C6: variants seen among roughly 807,000 people sequenced by gnomAD.
The protein encoded by C6 is complement component C6.
In C6, 101 loss-of-function variants were observed where a neutral mutation model predicts 112.9. The observed-to-expected ratio is 0.89, with a 90% CI of 0.76 to 1.06. The LOEUF (loss-of-function observed/expected upper bound fraction) is 1.06, where lower values mean the gene tolerates loss of function less well. Ranked by LOEUF, C6 falls within the 50% of genes least tolerant of loss-of-function variation. The probability of loss-of-function intolerance (pLI) is 0.00; values close to 1 mark genes in which losing one functional copy is unlikely to be tolerated. For missense variants in C6, 1,202 were observed against 1,104.6 expected (o/e 1.09, Z -1.25); for synonymous variants, 431 against 384.1 (o/e 1.12, Z -1.43).
chr5:41,201,232 T>C (rs749489281), intron 3 of C6, among the ~76,000 whole-genome samples: 7 of 152,108 alleles, frequency 4.6e-5, no homozygotes, highest in Non-Finnish European at 1.0e-4. Flanking sequence ...GATACCAACA[T>C]TTTGGATAAG....
At position 41,145,875 on chromosome 5, in the gene C6, T is replaced by G. The variant is rs967701751; in HGVS notation, c.2624-2869A>C. Among the ~76,000 whole-genome samples, 5 of 152,292 alleles carry G rather than the reference T, an allele frequency of 3.3e-5. 1 individual carries two copies. The South Asian group carries it at 8.3e-4, about 25-fold the overall frequency. The stretch of plus-strand genomic sequence containing the variant: ...GGTCACTACCCTTTTAGTATGGATA[T>G]AGCTTAAATGTTCTTTGCTTAATTA... On this transcript the variant is annotated intron_variant, in intron 17 of 17. Coordinates refer to ENST00000337836, the MANE Select transcript of C6 (RefSeq NM_000065.5).
Position 41,176,674 on chromosome 5 carries a change from T to TA in C6, c.968dup (p.Leu323PhefsTer8). 6.2e-7 allele frequency: 1 copy of TA among 1,612,968 alleles called. No individual in the cohort carries two copies. The highest frequency in any genetic ancestry group is 8.5e-7 in the Non-Finnish European group (1 of 1,179,164). ...GATCTTTAGCTTTCGTTGTGAAGTTTAAGACTTTCATCACTTTATGGATCC... is the reference window on the plus strand; with the variant it reads ...GATCTTTAGCTTTCGTTGTGAAGTTTAAAGACTTTCATCACTTTATGGATCC... On this transcript the variant is annotated frameshift_variant, in exon 8 of 18. Coordinates refer to ENST00000337836, the MANE Select transcript of C6 (RefSeq NM_000065.5). LOFTEE classifies it high-confidence loss of function.
chr5:41,195,440 AC>A (rs1298476127), intron 5 of C6, among the ~76,000 whole-genome samples: 3 of 152,034 alleles, frequency 2.0e-5, no homozygotes, highest in Middle Eastern at 6.8e-3. Context: ...TTCAAGGCCT[AC>A]CTCCAGGACC....
chr5:41,167,570 G>A (rs898438822), intron 9 of C6, among the ~76,000 whole-genome samples: 1 of 152,076 alleles, frequency 6.6e-6, no homozygotes, highest in Non-Finnish European at 1.5e-5. Context: ...AAGCTCATAA[G>A]AGGCTCTGCA....
At chr5:41,155,752 A>C (rs1746838801) in intron 13 of C6, among the ~76,000 whole-genome samples, 1 of 151,760 alleles carries the variant, frequency 6.6e-6, no homozygotes, top group African/African-American at 2.4e-5. Context: ...AAAAACAAAC[A>C]AACAAACAAA....
At chr5:41,231,197 T>C (rs1739875736) in intron 1 of C6, among the ~76,000 whole-genome samples, 2 of 152,300 alleles carry the variant, frequency 1.3e-5, no homozygotes, top group South Asian at 2.1e-4. Context: ...AATCCATTTG[T>C]GTTTAATTAT....
intron 15 of C6, among the ~76,000 whole-genome samples, chr5:41,152,531 A>G (rs1283870180): frequency 5.3e-5 from 8 of 152,196 alleles, no homozygotes; most frequent in African/African-American, 1.7e-4. Context: ...TTAGCTTATC[A>G]AGTAGAAGGT....
At chr5:41,212,001 C>T (rs780052587) in intron 1 of C6, among the ~76,000 whole-genome samples, 79 of 152,174 alleles carry the variant, frequency 5.2e-4, no homozygotes, top group Non-Finnish European at 8.8e-4. Flanking sequence ...GCTCTTTAAG[C>T]TATAACTGTT....
intron 1 of C6, among the ~76,000 whole-genome samples, chr5:41,227,285 C>T (rs1739576212): frequency 6.6e-6 from 1 of 151,172 alleles, no homozygotes; most frequent in South Asian, 2.1e-4. Context: ...AGATCTTTTG[C>T]CCATTTTTTA....
intron 13 of C6, among the ~76,000 whole-genome samples, chr5:41,157,159 G>C (rs147227903): frequency 5.3e-5 from 8 of 152,262 alleles, no homozygotes; most frequent in African/African-American, 1.9e-4. Context: ...GCCAGACAGA[G>C]ACCAGGCCTT....
chr5:41,232,424 G>T (rs182992474), intron 1 of C6, among the ~76,000 whole-genome samples: 1 of 152,136 alleles, frequency 6.6e-6, no homozygotes, highest in East Asian at 1.9e-4. Flanking sequence ...TAACCACATG[G>T]ATTTTTCTTT....
chr5:41,214,024 T>C (rs1203868704), upstream of C6, among the ~76,000 whole-genome samples: 7 of 152,170 alleles, frequency 4.6e-5, no homozygotes, highest in African/African-American at 1.7e-4. Context: ...GGGCTCTTTA[T>C]ATGTAATGAT....
At chr5:41,205,890 T>C (rs1038525967) in intron 1 of C6, among the ~76,000 whole-genome samples, 2 of 152,100 alleles carry the variant, frequency 1.3e-5, no homozygotes, top group African/African-American at 4.8e-5. Context: ...AGCACGGAGT[T>C]TGAGATCTGA....
At chr5:41,151,829 G>A (rs1363724335) in intron 15 of C6, among the ~76,000 whole-genome samples, 5 of 151,070 alleles carry the variant, frequency 3.3e-5, no homozygotes, top group African/African-American at 1.2e-4. Flanking sequence ...CAACATTGCT[G>A]AAGGCTGCCG....
At chr5:41,208,842 A>G (rs1415175169) in intron 1 of C6, among the ~76,000 whole-genome samples, 2 of 152,126 alleles carry the variant, frequency 1.3e-5, no homozygotes, top group Non-Finnish European at 2.9e-5. Context: ...ATCAATAGAA[A>G]AAGAGGGAAT....
intron 1 of C6, among the ~76,000 whole-genome samples, chr5:41,207,319 C>T (rs1751515504): frequency 6.6e-6 from 1 of 152,174 alleles, no homozygotes; most frequent in Non-Finnish European, 1.5e-5. Context: ...ACTGCATTAA[C>T]TAATGGGAAA....
At chr5:41,260,557 G>A (rs564411886) in intron 1 of C6, among the ~76,000 whole-genome samples, 1 of 151,572 alleles carries the variant, frequency 6.6e-6, no homozygotes, top group East Asian at 1.9e-4. Flanking sequence ...ATCACCTGAG[G>A]TTGGGAGTTC....
At chr5:41,198,985 T>A (rs2150360532) in intron 4 of C6, among the ~76,000 whole-genome samples, 1 of 152,172 alleles carries the variant, frequency 6.6e-6, no homozygotes, top group African/African-American at 2.4e-5. Flanking sequence ...CCTACCCACA[T>A]CCTGCTCTCA....
intron 1 of C6, among the ~76,000 whole-genome samples, chr5:41,204,666 T>TTTTC (rs1366004265): frequency 6.8e-6 from 1 of 146,972 alleles, no homozygotes; most frequent in African/African-American, 2.6e-5. Context: ...AAGCTTTTTT[T>TTTTC]TTTCTTTTTT....
Sources: allele counts gnomAD v4.1 joint callset (sites outside exome capture counted in the v4.1 genomes callset), GRCh38; gene constraint gnomAD v4.1.1; transcripts MANE v1.5; gene names NCBI Gene and HGNC (gene_info 2026-07-23, HGNC 2026-07-21).